Variants in EXOC4 observed in about 807,000 individuals in gnomAD.
EXOC4 encodes the protein exocyst complex component 4, also known as SEC8-like 1.
EXOC4 carries 71 observed loss-of-function variants against 107.2 expected under a neutral mutation model. The observed-to-expected ratio is 0.66, with a 90% CI of 0.55 to 0.81. The LOEUF (loss-of-function observed/expected upper bound fraction) is 0.81, where lower values mean the gene tolerates loss of function less well. Ranked by LOEUF, EXOC4 falls within the 30% of genes least tolerant of loss-of-function variation. EXOC4 has a pLI of 0.00. For missense variants in EXOC4, 1,108 were observed against 1,189.6 expected (o/e 0.93, Z 1.01); for synonymous variants, 456 against 441.2 (o/e 1.03, Z -0.42).
chr7:133,770,558 C>G (rs1332526205), intron 10 of EXOC4, among the ~76,000 whole-genome samples: 2 of 151,898 alleles, frequency 1.3e-5, no homozygotes, highest in East Asian at 3.9e-4. Flanking sequence ...AGCAAGTGTG[C>G]TTTTGCTAAT....
intron 14 of EXOC4, among the ~76,000 whole-genome samples, chr7:133,942,386 A>G (rs1275503118): frequency 2.6e-5 from 4 of 152,142 alleles, no homozygotes; most frequent in Admixed American, 2.6e-4. Flanking sequence ...AAATATTGTA[A>G]TGCATCCAAA....
chr7:133,833,728 A>C (rs1008862890), intron 11 of EXOC4, among the ~76,000 whole-genome samples: 22 of 152,010 alleles, frequency 1.4e-4, no homozygotes, highest in African/African-American at 5.3e-4. Context: ...ACACCCACCT[A>C]ATTTTTTTGT....
chr7:133,649,850 C>A (rs1803096235), intron 10 of EXOC4, among the ~76,000 whole-genome samples: 1 of 151,954 alleles, frequency 6.6e-6, no homozygotes, highest in Non-Finnish European at 1.5e-5. Context: ...TTGGAATGAA[C>A]CTCAGTGAAT....
At chr7:134,058,925 G>A (rs79765196) in intron 17 of EXOC4, among the ~76,000 whole-genome samples, 1 of 152,074 alleles carries the variant, frequency 6.6e-6, no homozygotes, top group Non-Finnish European at 1.5e-5. Context: ...CTATTTAAAA[G>A]GATTGAAATG....
chr7:133,959,227 A>G (rs1800885420), intron 14 of EXOC4, among the ~76,000 whole-genome samples: 1 of 152,198 alleles, frequency 6.6e-6, no homozygotes, highest in Non-Finnish European at 1.5e-5. Context: ...CAAACAGGAA[A>G]AGCAACTTAG....
chr7:133,456,612 G>A (rs976844929), intron 7 of EXOC4, among the ~76,000 whole-genome samples: 1 of 152,176 alleles, frequency 6.6e-6, no homozygotes, highest in African/African-American at 2.4e-5. Flanking sequence ...CCTGAATGGT[G>A]TGGATAATCA....
In EXOC4 at chr7:134,003,201, G is replaced by A. The variant is rs144420682; in HGVS notation, c.2349-1711G>A. On this transcript the variant is annotated intron_variant, in intron 15 of 17. Coordinates refer to ENST00000253861, the MANE Select transcript of EXOC4 (RefSeq NM_021807.4). ...CTAAGTGAAAAAGCCAAACTCAAAA[G>A]GCTACATACTGTATGATTCCATTTA... Among the ~76,000 whole-genome samples, 1,500 of 152,192 alleles carry A rather than the reference G, an allele frequency of 9.9e-3. 19 individuals carry two copies. The highest frequency in any genetic ancestry group is 0.034 in the African/African-American group (1,408 of 41,518).
At chr7:133,813,002 T>C (rs1161600172) in intron 10 of EXOC4, among the ~76,000 whole-genome samples, 1 of 152,184 alleles carries the variant, frequency 6.6e-6, no homozygotes, top group East Asian at 1.9e-4. Flanking sequence ...CCCACATGTT[T>C]TGTGCTTCTG....
intron 12 of EXOC4, among the ~76,000 whole-genome samples, chr7:133,901,020 C>T (rs1262394171): frequency 6.6e-6 from 1 of 152,114 alleles, no homozygotes; most frequent in Non-Finnish European, 1.5e-5. Flanking sequence ...CAGGTGCCCA[C>T]CAACACACCT....
chr7:133,701,028 G>A (rs1364568079), intron 10 of EXOC4, among the ~76,000 whole-genome samples: 2 of 151,904 alleles, frequency 1.3e-5, no homozygotes, highest in African/African-American at 4.8e-5. Context: ...AAATAGAAAA[G>A]ACCAGGTAAG....
At chr7:133,998,821 G>A (rs951026196) in intron 15 of EXOC4, among the ~76,000 whole-genome samples, 17 of 152,206 alleles carry the variant, frequency 1.1e-4, no homozygotes, top group African/African-American at 4.1e-4. Flanking sequence ...AGGGTGACCA[G>A]TTGAAAACAA....
chr7:133,959,438 T>A (rs1294276007), intron 14 of EXOC4, among the ~76,000 whole-genome samples: 1 of 149,386 alleles, frequency 6.7e-6, no homozygotes, highest in Non-Finnish European at 1.5e-5. Context: ...GAAATATCCA[T>A]GAAGGTGGAA....
At chr7:133,995,723 T>G (rs1794375111) in intron 14 of EXOC4, among the ~76,000 whole-genome samples, 1 of 152,166 alleles carries the variant, frequency 6.6e-6, no homozygotes, top group East Asian at 1.9e-4. Flanking sequence ...TTTTTTATGT[T>G]TGCCATGTTA....
At chr7:133,412,278 G>GTTTTTTTTTTTTTTTTTT (rs35334259) in intron 7 of EXOC4, among the ~76,000 whole-genome samples, 10 of 71,482 alleles carry the variant, frequency 1.4e-4, no homozygotes, top group Non-Finnish European at 2.4e-4. Flanking sequence ...TCAGAATTCA[G>GTTTTTTTTTTTTTTTTTT]TTTTTTTTTT....
intron 9 of EXOC4, among the ~76,000 whole-genome samples, chr7:133,593,586 A>T (rs1234817246): frequency 6.6e-6 from 1 of 152,140 alleles, no homozygotes; most frequent in East Asian, 1.9e-4. Flanking sequence ...ATCATAGGGG[A>T]TGTTTATGGA....
At chr7:133,256,276 T>C (rs61627000) in intron 1 of EXOC4, among the ~76,000 whole-genome samples, 53,818 of 152,174 alleles carry the variant, frequency 0.35, 11,650 homozygotes, top group African/African-American at 0.62. Context: ...CCACCGCGCC[T>C]GGTCTGCATT....
chr7:133,317,713 G>A (rs963391869), intron 5 of EXOC4, among the ~76,000 whole-genome samples: 8 of 151,034 alleles, frequency 5.3e-5, no homozygotes, highest in African/African-American at 1.9e-4. Flanking sequence ...ACGGAGTCTC[G>A]CTCTGTTGCC....
chr7:134,062,185 C>G (rs2116632592), intron 17 of EXOC4, among the ~76,000 whole-genome samples: 1 of 152,302 alleles, frequency 6.6e-6, no homozygotes, highest in East Asian at 1.9e-4. Context: ...ACTTACCAAT[C>G]TACAAAGAGC....
chr7:133,522,078 A>G (rs142623595), intron 9 of EXOC4, among the ~76,000 whole-genome samples: 5 of 152,256 alleles, frequency 3.3e-5, no homozygotes, highest in Admixed American at 3.3e-4. Context: ...TGTCCTCTTC[A>G]AACATTTTAG....
Sources: allele counts gnomAD v4.1 joint callset (sites outside exome capture counted in the v4.1 genomes callset), GRCh38; gene constraint gnomAD v4.1.1; transcripts MANE v1.5; gene names NCBI Gene and HGNC (gene_info 2026-07-23, HGNC 2026-07-21).